Variants in MGAT4C observed in about 807,000 individuals in gnomAD.
MGAT4C encodes the protein alpha-1,3-mannosyl-glycoprotein 4-beta-N-acetylglucosaminyltransferase C.
A neutral mutation model predicts 40.1 loss-of-function variants in MGAT4C; 19 were observed. The ratio of observed to expected loss-of-function variants is 0.47; its 90% CI spans 0.33 to 0.70. MGAT4C has a LOEUF of 0.70. Among genes scored for constraint, MGAT4C ranks in the 30% least tolerant of loss-of-function variants. The pLI, the probability that MGAT4C is intolerant of heterozygous loss-of-function variation, is 0.02. For synonymous variants in MGAT4C, 181 were observed against 187.1 expected, an observed-to-expected ratio of 0.97 and a Z score of 0.27; for missense variants, 491 against 563.2, an observed-to-expected ratio of 0.87 and a Z score of 1.30.
chr12:86,502,528 T>C (rs542465421), intron 2 of MGAT4C, among the ~76,000 whole-genome samples: 5 of 151,842 alleles, frequency 3.3e-5, no homozygotes, highest in East Asian at 1.9e-4. Flanking sequence ...CATATTAGTA[T>C]TGATTCATCC....
At chr12:86,801,226 G>A (rs745863899) in intron 1 of MGAT4C, among the ~76,000 whole-genome samples, 11 of 151,846 alleles carry the variant, frequency 7.2e-5, no homozygotes, top group Non-Finnish European at 1.5e-4. Context: ...TTGTCTAAAC[G>A]TCATATATTT....
At chr12:86,724,457 C>T (rs1950789296) in intron 2 of MGAT4C, among the ~76,000 whole-genome samples, 1 of 152,134 alleles carries the variant, frequency 6.6e-6, no homozygotes, top group African/African-American at 2.4e-5. Flanking sequence ...GCAGAGCCAT[C>T]TTTTGGGACC....
At chr12:86,599,206 A>T (rs1406396838) in intron 2 of MGAT4C, among the ~76,000 whole-genome samples, 1 of 152,108 alleles carries the variant, frequency 6.6e-6, no homozygotes, top group East Asian at 1.9e-4. Flanking sequence ...CTATTTCTTC[A>T]TATGTCAGAT....
intron 1 of MGAT4C, among the ~76,000 whole-genome samples, chr12:86,783,738 C>T (rs1951884526): frequency 6.6e-6 from 1 of 151,906 alleles, no homozygotes; most frequent in African/African-American, 2.4e-5. Context: ...TTTCATATAC[C>T]CTAATCATTT....
At chr12:86,697,491 C>G (rs1950279382) in intron 2 of MGAT4C, among the ~76,000 whole-genome samples, 1 of 151,938 alleles carries the variant, frequency 6.6e-6, no homozygotes, top group South Asian at 2.1e-4. Flanking sequence ...AAAAAAGTCA[C>G]TCCTAGAAAA....
At chr12:86,395,774 T>C (rs1279571115) in intron 3 of MGAT4C, among the ~76,000 whole-genome samples, 1 of 152,190 alleles carries the variant, frequency 6.6e-6, no homozygotes, top group Non-Finnish European at 1.5e-5. Context: ...CAATACAACT[T>C]CATCTATTTT....
intron 1 of MGAT4C, among the ~76,000 whole-genome samples, chr12:86,168,998 G>T (rs191923345): frequency 6.6e-6 from 1 of 152,134 alleles, no homozygotes; most frequent in Admixed American, 6.5e-5. Flanking sequence ...TTTCATGTTG[G>T]AGATAAGATT....
intron 1 of MGAT4C, among the ~76,000 whole-genome samples, chr12:86,827,030 A>T (rs1952821574): frequency 6.6e-6 from 1 of 151,516 alleles, no homozygotes; most frequent in South Asian, 2.1e-4. Flanking sequence ...AAATCAATTC[A>T]TATATTAATA....
At position 86,078,907 on chromosome 12, in the gene MGAT4C, C is replaced by T. The variant is rs138699011; in HGVS notation, c.-56-29184G>A. ...AAATATTTTGACATCTGACATGCAC[C>T]TTCTTAGTTTATTACTACTTTTATG... On this transcript the variant is annotated intron_variant, in intron 1 of 4. Transcript: ENST00000611864. Among the ~76,000 whole-genome samples, 351 of 152,282 alleles carry T rather than the reference C, an allele frequency of 2.3e-3. 1 individual carries two copies. Among genetic ancestry groups the T allele is most frequent in the African/African-American group, 7.4e-3 (307 of 41,562 alleles).
chr12:86,265,552 T>C (rs2136101214), intron 4 of MGAT4C, among the ~76,000 whole-genome samples: 1 of 152,342 alleles, frequency 6.6e-6, no homozygotes, highest in Non-Finnish European at 1.5e-5. Context: ...TACCACGTTG[T>C]TCTAAGCCTT....
intron 1 of MGAT4C, among the ~76,000 whole-genome samples, chr12:86,157,755 C>T (rs907682387): frequency 7.2e-5 from 11 of 152,162 alleles, no homozygotes; most frequent in African/African-American, 2.2e-4. Context: ...CGAAGAAGGA[C>T]GTGCCACACT....
At chr12:86,697,397 C>A (rs192417569) in intron 2 of MGAT4C, among the ~76,000 whole-genome samples, 24 of 151,812 alleles carry the variant, frequency 1.6e-4, no homozygotes, top group African/African-American at 5.1e-4. Context: ...ACAGTTGTAA[C>A]CTAAATTTTT....
chr12:85,974,901 T>C lies in MGAT4C; in HGVS notation c.*4388A>G, dbSNP rs921195682. 6.7e-6 allele frequency: 1 copy of C among 149,350 alleles called. No homozygotes were observed. The highest frequency in any genetic ancestry group is 1.5e-5 in the Non-Finnish European group (1 of 66,592). The allele number at this position is 149,350 out of a possible 1,614,324, so 9.3% of individuals were successfully genotyped here. On this transcript the variant is annotated 3_prime_UTR_variant, in exon 5 of 5. Transcript: ENST00000611864. ...GTGCATTGATAACTTTTGCCAATGA[T>C]AGAAAAGATGCCAGAGAACCGGATC... is the stretch of plus-strand genomic sequence containing the variant.
At chr12:86,190,113 C>G (rs1327345561) in intron 1 of MGAT4C, among the ~76,000 whole-genome samples, 1 of 151,862 alleles carries the variant, frequency 6.6e-6, no homozygotes, top group Non-Finnish European at 1.5e-5. Context: ...CCACTTAGCT[C>G]TCAATAAATT....
intron 3 of MGAT4C, among the ~76,000 whole-genome samples, chr12:86,379,034 C>T (rs1321989101): frequency 1.3e-5 from 2 of 152,074 alleles, no homozygotes; most frequent in East Asian, 3.9e-4. Context: ...ATATTGTATT[C>T]CATAAATATA....
intron 3 of MGAT4C, among the ~76,000 whole-genome samples, chr12:86,369,786 G>T (rs1289711918): frequency 6.6e-6 from 1 of 151,868 alleles, no homozygotes; most frequent in Middle Eastern, 3.2e-3. Flanking sequence ...AAAAATATCT[G>T]CCTTTGAAAT....
At chr12:86,044,083 A>C (rs1892153278) in intron 2 of MGAT4C, among the ~76,000 whole-genome samples, 1 of 151,812 alleles carries the variant, frequency 6.6e-6, no homozygotes, top group African/African-American at 2.4e-5. Context: ...TAAGGGTTTG[A>C]TTGTGGTCTA....
chr12:86,659,986 T>C (rs1565909526), intron 2 of MGAT4C, among the ~76,000 whole-genome samples: 1 of 151,926 alleles, frequency 6.6e-6, no homozygotes, highest in African/African-American at 2.4e-5. Flanking sequence ...CAAAAACTCT[T>C]TCCTCTTCCA....
At chr12:86,485,363 G>GA (rs1407144508) in intron 2 of MGAT4C, among the ~76,000 whole-genome samples, 3 of 151,832 alleles carry the variant, frequency 2.0e-5, no homozygotes, top group Non-Finnish European at 4.4e-5. Flanking sequence ...AAGAGCTGAG[G>GA]AAAAAAGAGC....
Sources: allele counts gnomAD v4.1 joint callset (sites outside exome capture counted in the v4.1 genomes callset), GRCh38; gene constraint gnomAD v4.1.1; transcripts MANE v1.5; gene names NCBI Gene and HGNC (gene_info 2026-07-23, HGNC 2026-07-21).